Variants in SORCS1 observed in about 807,000 individuals in gnomAD.
SORCS1 encodes VPS10 domain-containing receptor SorCS1.
In SORCS1, 60 loss-of-function variants were observed where a neutral mutation model predicts 146.1. The ratio of observed to expected loss-of-function variants is 0.41; its 90% CI spans 0.33 to 0.51. The LOEUF (loss-of-function observed/expected upper bound fraction) is 0.51. Ranked by LOEUF, SORCS1 falls within the 20% of genes least tolerant of loss-of-function variation. SORCS1 has a pLI of 0.21. For synonymous variants in SORCS1, 637 were observed against 584.0 expected (o/e 1.09, Z -1.31); for missense variants, 1,352 against 1,487.6 (o/e 0.91, Z 1.50).
chr10:106,839,921 C>T (rs547949032), intron 2 of SORCS1, among the ~76,000 whole-genome samples: 19 of 152,200 alleles, frequency 1.2e-4, no homozygotes, highest in Admixed American at 3.3e-4. Flanking sequence ...TATTTTAAGC[C>T]CATTATTGAG....
intron 18 of SORCS1, among the ~76,000 whole-genome samples, chr10:106,650,264 T>C (rs1222428623): frequency 6.6e-6 from 1 of 152,198 alleles, no homozygotes; most frequent in Non-Finnish European, 1.5e-5. Context: ...ACTGAAGTGA[T>C]TTCAGATTGG....
intron 1 of SORCS1, among the ~76,000 whole-genome samples, chr10:107,020,143 A>C (rs960375070): frequency 7.2e-5 from 11 of 152,254 alleles, no homozygotes; most frequent in Admixed American, 7.2e-4. Flanking sequence ...GTGCCCAGAC[A>C]AGAATGATAA....
intron 17 of SORCS1, among the ~76,000 whole-genome samples, chr10:106,655,878 T>C (rs1179040338): frequency 6.6e-6 from 1 of 152,186 alleles, no homozygotes; most frequent in Non-Finnish European, 1.5e-5. Flanking sequence ...CTGAGTTACA[T>C]AAATGAATAA....
At chr10:106,957,543 T>C (rs964662996) in intron 1 of SORCS1, among the ~76,000 whole-genome samples, 1 of 152,150 alleles carries the variant, frequency 6.6e-6, no homozygotes, top group African/African-American at 2.4e-5. Context: ...TTCTTCTGAC[T>C]TCCAATTTCT....
intron 14 of SORCS1, among the ~76,000 whole-genome samples, chr10:106,673,796 CAG>C (rs1404650266): frequency 1.4e-4 from 21 of 152,254 alleles, no homozygotes; most frequent in Non-Finnish European, 2.8e-4. Context: ...TCTCTTTACT[CAG>C]AGAGACTTAA....
At chr10:106,801,524 A>ATTTTTT (rs34849434) in intron 3 of SORCS1, among the ~76,000 whole-genome samples, 3 of 113,840 alleles carry the variant, frequency 2.6e-5, no homozygotes, top group African/African-American at 7.0e-5. Context: ...TAGTATAGCC[A>ATTTTTT]TTTTTTTTTT....
chr10:106,724,279 C>A (rs1276537480), intron 6 of SORCS1, among the ~76,000 whole-genome samples: 2 of 152,002 alleles, frequency 1.3e-5, no homozygotes, highest in East Asian at 3.9e-4. Context: ...GAGGCCGAGG[C>A]GGGCGGATCT....
At chr10:106,996,960 T>A (rs951024714) in intron 1 of SORCS1, among the ~76,000 whole-genome samples, 6 of 152,176 alleles carry the variant, frequency 3.9e-5, no homozygotes, top group Non-Finnish European at 7.3e-5. Flanking sequence ...CCATTGCTAT[T>A]TTTTTCTTGG....
intron 1 of SORCS1, among the ~76,000 whole-genome samples, chr10:107,001,002 C>T (rs7918364): frequency 0.062 from 9,511 of 152,176 alleles, 995 homozygotes; most frequent in African/African-American, 0.21. Flanking sequence ...CATCTTGCCA[C>T]TTTGGGTTGA....
intron 21 of SORCS1, among the ~76,000 whole-genome samples, chr10:106,617,396 T>C (rs1314248847): frequency 6.6e-6 from 1 of 152,180 alleles, no homozygotes; most frequent in African/African-American, 2.4e-5. Context: ...ACCATTTCCA[T>C]ATTAATAATA....
intron 2 of SORCS1, among the ~76,000 whole-genome samples, chr10:106,885,547 C>T (rs1156486725): frequency 6.7e-6 from 1 of 149,820 alleles, no homozygotes; most frequent in African/African-American, 2.5e-5. Flanking sequence ...GAAACGTGAA[C>T]AACTAACAGG....
At chr10:106,817,739 C>T (rs1007801994) in intron 3 of SORCS1, among the ~76,000 whole-genome samples, 1 of 152,110 alleles carries the variant, frequency 6.6e-6, no homozygotes, top group African/African-American at 2.4e-5. Context: ...ACATAGTTCT[C>T]CCTTCCATCT....
intron 9 of SORCS1, among the ~76,000 whole-genome samples, chr10:106,694,885 T>C (rs1408612184): frequency 6.6e-6 from 1 of 152,182 alleles, no homozygotes; most frequent in Non-Finnish European, 1.5e-5. Flanking sequence ...TGAACTGTCA[T>C]TGTCTATTAA....
chr10:107,110,697 T>G (rs769883702), intron 1 of SORCS1, among the ~76,000 whole-genome samples: 1 of 140,628 alleles, frequency 7.1e-6, no homozygotes, highest in Non-Finnish European at 1.5e-5. Context: ...ATATCCAAAC[T>G]ATATCATTGT....
intron 1 of SORCS1, among the ~76,000 whole-genome samples, chr10:107,008,064 T>C (rs1957530945): frequency 6.6e-6 from 1 of 151,962 alleles, no homozygotes; most frequent in Admixed American, 6.5e-5. Flanking sequence ...ATTAGTTTAA[T>C]AAATTCTTTT....
intron 2 of SORCS1, among the ~76,000 whole-genome samples, chr10:106,913,315 A>G (rs1952256096): frequency 6.6e-6 from 1 of 152,200 alleles, no homozygotes; most frequent in Admixed American, 6.5e-5. Context: ...GCATTATTAA[A>G]CACATTGATG....
At chr10:106,927,822 A>T (rs1953144288) in intron 2 of SORCS1, among the ~76,000 whole-genome samples, 1 of 152,024 alleles carries the variant, frequency 6.6e-6, no homozygotes, top group Non-Finnish European at 1.5e-5. Flanking sequence ...TGTGTTTACA[A>T]ACCTTGAGCT....
rs544558668 is a variant in SORCS1 at position 107,155,187 on chromosome 10, G to A, written c.558+8782C>T. On this transcript the variant is annotated intron_variant, in intron 1 of 25. Transcript: ENST00000263054. Reference sequence around the variant, plus strand: ...TACATTCCAATAGGTCTTCACTGTAGGGGGTCATGGTTTCTATTGAGAAGC... The same window carrying A: ...TACATTCCAATAGGTCTTCACTGTAAGGGGTCATGGTTTCTATTGAGAAGC... Among the ~76,000 whole-genome samples, 34 of 152,250 alleles carry A rather than the reference G, an allele frequency of 2.2e-4. No individual in the cohort carries two copies. The South Asian group carries it at 7.1e-3, about 32-fold the overall frequency.
Position 106,829,676 on chromosome 10 carries a change from A to G in SORCS1, c.627-3T>C. The G allele has an allele frequency of 6.2e-7, 1 of 1,600,066 alleles. No individual in the cohort carries two copies. Among genetic ancestry groups the G allele is most frequent in the Non-Finnish European group, 8.6e-7 (1 of 1,168,536 alleles). ...AGGTTGTTCCATAATCGGTTGACCT[A>G]TAATCCAAAAAGAGCATTAATGAGG... On this transcript the variant is annotated splice_polypyrimidine_tract_variant and splice_region_variant and intron_variant, in intron 2 of 25. Coordinates refer to ENST00000263054, the MANE Select transcript of SORCS1 (RefSeq NM_052918.5).
Sources: gnomAD v4.1 joint callset for allele counts (sites outside exome capture counted in the v4.1 genomes callset) on GRCh38, gnomAD v4.1.1 for gene constraint, MANE v1.5 for transcripts, NCBI Gene and HGNC (gene_info 2026-07-23, HGNC 2026-07-21) for gene names.